Variants in DUSP19 observed in about 807,000 individuals in gnomAD.
The protein encoded by DUSP19 is dual specificity protein phosphatase 19.
DUSP19 carries 14 observed loss-of-function variants against 16.6 expected under a neutral mutation model. That is an observed-to-expected ratio of 0.84 (90% CI 0.56 to 1.32). The LOEUF (loss-of-function observed/expected upper bound fraction) is 1.32. Ranked by LOEUF, DUSP19 falls within the 40% of genes most tolerant of loss-of-function variation. DUSP19 has a pLI of 0.00. For synonymous variants in DUSP19, 81 were observed against 90.5 expected (o/e 0.90, Z 0.59); for missense variants, 258 against 255.9 (o/e 1.01, Z -0.06).
intron 1 of DUSP19, among the ~76,000 whole-genome samples, chr2:183,081,111 T>A (rs1376053501): frequency 6.6e-6 from 1 of 152,186 alleles, no homozygotes; most frequent in African/African-American, 2.4e-5. Context: ...TCTTTTTTAG[T>A]TCGTAAACTC....
chr2:183,087,147 T>A lies in DUSP19; in HGVS notation c.381T>A (p.Ser127=). ...ILDLPETNIL[S]YFPECFEFIE... is the part of the protein sequence containing the mutation. ...ATCTGCCTGAAACCAACATCCTGTC[T>A]TATTTTCCAGAATGTTTTGAATTTA... Residue 127 remains serine, a synonymous_variant, in exon 3 of 4, where the codon TCT becomes TCA. Coordinates refer to ENST00000354221, the MANE Select transcript of DUSP19 (RefSeq NM_080876.4). The A allele has an allele frequency of 6.2e-7, 1 of 1,613,430 alleles. No individual in the cohort carries two copies. Among genetic ancestry groups the A allele is most frequent in the Non-Finnish European group, 8.5e-7 (1 of 1,179,870 alleles).
At chr2:183,095,234 G>GTTGA (rs1013010752) in intron 3 of DUSP19, among the ~76,000 whole-genome samples, 197 bp from the exon 4 acceptor site, 2 of 152,030 alleles carry the variant, frequency 1.3e-5, no homozygotes, top group Admixed American at 1.3e-4. Flanking sequence ...GGAGGTACAG[G>GTTGA]TTGATTGATT....
At chr2:183,090,311 T>C (rs1406978873) in intron 3 of DUSP19, among the ~76,000 whole-genome samples, 2 of 152,302 alleles carry the variant, frequency 1.3e-5, no homozygotes, top group East Asian at 3.9e-4. Context: ...CATTTCCCTC[T>C]GTACTTGCAA....
chr2:183,095,876 T>A lies in DUSP19; in HGVS notation c.*218T>A. 2.9e-6 allele frequency: 1 copy of A among 342,844 alleles called. No homozygotes were observed. 21.2% of individuals were successfully genotyped at this position (342,844 alleles called of 1,614,324 possible). A position where few individuals can be genotyped will look rare whatever the true frequency, so the allele number is the denominator to read the frequency against. On this transcript the variant is annotated 3_prime_UTR_variant, in exon 4 of 4. Transcript: ENST00000354221. ...TATTATAATGTGTGATTAAATGCTT[T>A]TTTAAATTGCTAAGGGAAAATAACA...
chr2:183,084,337 G>T (rs962181965), intron 2 of DUSP19, among the ~76,000 whole-genome samples: 1 of 152,008 alleles, frequency 6.6e-6, no homozygotes. Flanking sequence ...CAAGGCAGGA[G>T]GATTGGTTGA....
intron 3 of DUSP19, among the ~76,000 whole-genome samples, chr2:183,089,852 G>T (rs73035662): frequency 0.045 from 6,797 of 152,274 alleles, 528 homozygotes; most frequent in African/African-American, 0.16. Flanking sequence ...TCAGCTCACT[G>T]CAACTCCACC....
At chr2:183,086,413 A>G (rs1699662511) in intron 2 of DUSP19, among the ~76,000 whole-genome samples, 1 of 152,174 alleles carries the variant, frequency 6.6e-6, no homozygotes, top group South Asian at 2.1e-4. Context: ...TTATAACACT[A>G]AGTTAAACAT....
At chr2:183,081,194 C>T (rs1472603428) in intron 1 of DUSP19, among the ~76,000 whole-genome samples, 2 of 152,124 alleles carry the variant, frequency 1.3e-5, no homozygotes, top group African/African-American at 2.4e-5. Context: ...AGATTTTAGA[C>T]AGCATTTTTG....
Position 183,095,433 on chromosome 2 carries a change from T to C in DUSP19, c.429T>C (p.Asp143=), listed in dbSNP as rs765039924. Residue 143 remains aspartate (D), a splice_region_variant and synonymous_variant, in exon 4 of 4, where the codon GAT becomes GAC. Coordinates refer to ENST00000354221, the MANE Select transcript of DUSP19 (RefSeq NM_080876.4). ...FEFIEEAKRK[D]GVVLVHCNAG... ...TTTGTTTGTTTTTTTTTTTGTAGGA[T>C]GGAGTGGTTCTTGTTCATTGTAATG... is the stretch of plus-strand genomic sequence containing the variant. 4 of 1,589,172 alleles carry C rather than the reference T, an allele frequency of 2.5e-6. No homozygotes were observed. The African/African-American group carries it at 5.4e-5, about 22-fold the overall frequency.
chr2:183,083,423 T>C (rs1699619246), intron 1 of DUSP19, 85 bp from the exon 2 acceptor site: 6 of 1,301,196 alleles, frequency 4.6e-6, no homozygotes, highest in South Asian at 1.6e-5. Flanking sequence ...CTTTTTTTTT[T>C]AATAACAGAA....
At chr2:183,085,085 G>A (rs969599976) in intron 2 of DUSP19, among the ~76,000 whole-genome samples, 12 of 152,204 alleles carry the variant, frequency 7.9e-5, no homozygotes, top group Admixed American at 6.5e-4. Flanking sequence ...GGTTTTGGGT[G>A]ATGTGGATCA....
intron 3 of DUSP19, among the ~76,000 whole-genome samples, chr2:183,093,375 A>G (rs1463017088): frequency 1.3e-5 from 2 of 152,234 alleles, no homozygotes; most frequent in African/African-American, 4.8e-5. Flanking sequence ...AAAGATGGTT[A>G]AGACATTCCT....
At chr2:183,087,472 A>G (rs1056422027) in intron 3 of DUSP19, among the ~76,000 whole-genome samples, 8 of 152,224 alleles carry the variant, frequency 5.3e-5, no homozygotes, top group African/African-American at 1.9e-4. Context: ...TGAATGAGAT[A>G]GTTATTGTGA....
At chr2:183,079,848 G>A (rs1305268176) in intron 1 of DUSP19, among the ~76,000 whole-genome samples, 1 of 152,194 alleles carries the variant, frequency 6.6e-6, no homozygotes, top group Non-Finnish European at 1.5e-5. Context: ...TTTCAAGTAC[G>A]TCTGAATTAT....
intron 1 of DUSP19, 100 bp downstream of exon 1, chr2:183,079,259 C>A: frequency 8.4e-7 from 1 of 1,193,208 alleles, no homozygotes; most frequent in East Asian, 2.5e-5. Context: ...ATCAGCTATC[C>A]TGCCGAAAAG....
chr2:183,088,397 G>GTTTTTTTTTTGTTGTTTTTTTT (rs1699689667), intron 3 of DUSP19, among the ~76,000 whole-genome samples: 1 of 121,332 alleles, frequency 8.2e-6, no homozygotes, highest in Non-Finnish European at 1.7e-5. Context: ...TGTTTTTTGT[G>GTTTTTTTTTTGTTGTTTTTTTT]TTTTTTTTTT....
At chr2:183,086,961 G>C in intron 2 of DUSP19, 79 bp from the exon 3 acceptor site, 1 of 1,397,648 alleles carries the variant, frequency 7.2e-7, no homozygotes, top group Non-Finnish European at 9.7e-7. Context: ...TCTTGTTATA[G>C]ATATCAACAC....
At chr2:183,088,180 G>T (rs2105501641) in intron 3 of DUSP19, among the ~76,000 whole-genome samples, 1 of 151,966 alleles carries the variant, frequency 6.6e-6, no homozygotes, top group South Asian at 2.1e-4. Context: ...TGTTACTGTT[G>T]CCTACAAGTC....
chr2:183,083,364 T>C (rs930812246), intron 1 of DUSP19, 144 bp from the exon 2 acceptor site: 2 of 661,348 alleles, frequency 3.0e-6, no homozygotes, highest in African/African-American at 3.7e-5. Flanking sequence ...ATGACTGTTA[T>C]CAAATTGCCC....
Sources: gnomAD v4.1 joint callset for allele counts (sites outside exome capture counted in the v4.1 genomes callset) on GRCh38, gnomAD v4.1.1 for gene constraint, MANE v1.5 for transcripts, NCBI Gene and HGNC (gene_info 2026-07-23, HGNC 2026-07-21) for gene names.